Variants in DLG2 observed in about 807,000 individuals in gnomAD.
DLG2 encodes the protein disks large homolog 2.
In DLG2, 45 loss-of-function variants were observed where a neutral mutation model predicts 132.5. The observed-to-expected ratio is 0.34, with a 90% CI of 0.27 to 0.44. The LOEUF is 0.44. Ranked by LOEUF, DLG2 falls within the 20% of genes least tolerant of loss-of-function variation. The pLI, the probability that DLG2 is intolerant of heterozygous loss-of-function variation, is 1.00. For synonymous variants in DLG2, 424 were observed against 419.6 expected, an observed-to-expected ratio of 1.01 and a Z score of -0.13; for missense variants, 1,045 against 1,196.9, an observed-to-expected ratio of 0.87 and a Z score of 1.87.
intron 18 of DLG2, among the ~76,000 whole-genome samples, chr11:83,676,070 A>C (rs1023891088): frequency 1.3e-5 from 2 of 152,174 alleles, no homozygotes; most frequent in East Asian, 3.9e-4. Context: ...TCAGTTAAGG[A>C]CTCATAATGT....
At chr11:84,458,477 T>A (rs1256265650) in intron 7 of DLG2, among the ~76,000 whole-genome samples, 4 of 150,838 alleles carry the variant, frequency 2.7e-5, no homozygotes, top group African/African-American at 9.7e-5. Flanking sequence ...TTAAAATCAG[T>A]ACCCATTGGT....
intron 21 of DLG2, among the ~76,000 whole-genome samples, chr11:83,518,434 CTGGGAA>C (rs2095369381): frequency 6.6e-6 from 1 of 152,200 alleles, no homozygotes. Flanking sequence ...CTTTTCTTGG[CTGGGAA>C]AGGGAATTCC....
chr11:84,771,633 T>A (rs1159954497), intron 6 of DLG2, among the ~76,000 whole-genome samples: 2 of 152,110 alleles, frequency 1.3e-5, no homozygotes, highest in Non-Finnish European at 2.9e-5. Context: ...CTAATAAAAA[T>A]CCTAAGGGAG....
chr11:85,430,754 T>G (rs550051758), intron 3 of DLG2, among the ~76,000 whole-genome samples: 2 of 151,254 alleles, frequency 1.3e-5, no homozygotes, highest in East Asian at 3.9e-4. Context: ...AGCTAGTTTT[T>G]AAGGGGGACT....
intron 19 of DLG2, among the ~76,000 whole-genome samples, chr11:83,612,496 A>T (rs1051814768): frequency 6.6e-6 from 1 of 152,202 alleles, no homozygotes; most frequent in African/African-American, 2.4e-5. Context: ...CTTGTGCAAG[A>T]TCTTAATTCT....
intron 6 of DLG2, among the ~76,000 whole-genome samples, chr11:84,549,575 C>G (rs536834138): frequency 2.6e-5 from 4 of 152,240 alleles, no homozygotes; most frequent in Admixed American, 2.6e-4. Context: ...ACCAGCAGTG[C>G]GACTTTAGGG....
chr11:85,076,980 T>G (rs1292389495), intron 6 of DLG2, among the ~76,000 whole-genome samples: 1 of 152,014 alleles, frequency 6.6e-6, no homozygotes, highest in African/African-American at 2.4e-5. Context: ...TTTAGTGTTG[T>G]GCTAATTACC....
intron 19 of DLG2, among the ~76,000 whole-genome samples, chr11:83,559,683 A>G (rs1358497312): frequency 3.3e-5 from 5 of 152,250 alleles, no homozygotes; most frequent in Admixed American, 3.3e-4. Context: ...CCATGAGCCT[A>G]TAGTCTGACA....
intron 18 of DLG2, among the ~76,000 whole-genome samples, chr11:83,684,102 A>G (rs1173279643): frequency 6.6e-6 from 1 of 152,058 alleles, no homozygotes; most frequent in Non-Finnish European, 1.5e-5. Flanking sequence ...ATGTAACTAT[A>G]CACTTACAGC....
chr11:84,383,952 C>T (rs2098758332), intron 7 of DLG2, among the ~76,000 whole-genome samples: 1 of 151,660 alleles, frequency 6.6e-6, no homozygotes, highest in African/African-American at 2.4e-5. Context: ...TTTCATTGGG[C>T]TCCTACTGCA....
chr11:85,307,781 A>T (rs374924156), intron 3 of DLG2, among the ~76,000 whole-genome samples: 1 of 152,162 alleles, frequency 6.6e-6, no homozygotes, highest in Admixed American at 6.5e-5. Flanking sequence ...GCACAGTTTC[A>T]TTTGTGTTTA....
chr11:85,487,575 A>G (rs1400414953), intron 3 of DLG2, among the ~76,000 whole-genome samples: 1 of 152,034 alleles, frequency 6.6e-6, no homozygotes, highest in African/African-American at 2.4e-5. Context: ...AGCAAGCAGA[A>G]GAAACAATTT....
chr11:83,853,773 T>A (rs527579302), intron 16 of DLG2, among the ~76,000 whole-genome samples: 8 of 152,060 alleles, frequency 5.3e-5, no homozygotes, highest in Non-Finnish European at 1.0e-4. Flanking sequence ...GCTAATATCA[T>A]GCCTAATGGT....
intron 6 of DLG2, among the ~76,000 whole-genome samples, chr11:84,818,354 G>A (rs909366430): frequency 2.6e-5 from 4 of 151,688 alleles, no homozygotes; most frequent in Non-Finnish European, 5.9e-5. Flanking sequence ...AAACTTTTTT[G>A]GTTTAGATTT....
chr11:85,365,214 C>A (rs895379502), intron 3 of DLG2, among the ~76,000 whole-genome samples: 1 of 152,092 alleles, frequency 6.6e-6, no homozygotes, highest in African/African-American at 2.4e-5. Context: ...TAATACTATC[C>A]TAAATAGCAT....
intron 6 of DLG2, chr11:84,546,730 C>T: frequency 2.3e-6 from 1 of 431,166 alleles, no homozygotes; most frequent in Non-Finnish European, 4.5e-6. Context: ...TCCATGAGTG[C>T]TCCCAATTGC....
chr11:85,281,017 T>C (rs2078190352), intron 4 of DLG2, among the ~76,000 whole-genome samples: 2 of 152,026 alleles, frequency 1.3e-5, no homozygotes, highest in South Asian at 4.1e-4. Context: ...CTATGGGATG[T>C]GAAGGATCAG....
intron 3 of DLG2, among the ~76,000 whole-genome samples, chr11:85,427,847 T>C (rs1283518766): frequency 6.6e-6 from 1 of 151,898 alleles, no homozygotes; most frequent in African/African-American, 2.4e-5. Context: ...GGATAAAGAG[T>C]CAAGACCCAT....
At chr11:85,547,293 C>A (rs900353366) in intron 3 of DLG2, among the ~76,000 whole-genome samples, 1 of 152,134 alleles carries the variant, frequency 6.6e-6, no homozygotes, top group Non-Finnish European at 1.5e-5. Context: ...GTTGAAAATT[C>A]TTTATGAGTG....
Sources: gnomAD v4.1 joint callset for allele counts (sites outside exome capture counted in the v4.1 genomes callset) on GRCh38, gnomAD v4.1.1 for gene constraint, MANE v1.5 for transcripts, NCBI Gene and HGNC (gene_info 2026-07-23, HGNC 2026-07-21) for gene names.